The following PTBP2 variants were observed in gnomAD, a reference collection of about 807,000 sequenced individuals.
The protein encoded by PTBP2 is polypyrimidine tract binding protein 2.
A neutral mutation model predicts 61.4 loss-of-function variants in PTBP2; 13 were observed. The ratio of observed to expected loss-of-function variants is 0.21; its 90% CI spans 0.14 to 0.34. The LOEUF is 0.34. PTBP2 is among the 10% of genes least tolerant of loss of function. PTBP2 has a pLI of 1.00. For missense variants in PTBP2, 405 were observed against 642.6 expected, an observed-to-expected ratio of 0.63 and a Z score of 4.00; for synonymous variants, 215 against 218.5, an observed-to-expected ratio of 0.98 and a Z score of 0.14.
downstream of PTBP2, chr1:96,816,656 A>T (rs368505094): frequency 1.3e-3 from 195 of 152,282 alleles, 1 homozygote; most frequent in African/African-American, 4.6e-3. Context: ...TCCTAGAGTT[A>T]AGGTTAGTAT....
intron 8 of PTBP2, among the ~76,000 whole-genome samples, chr1:96,800,181 A>G: frequency 6.6e-6 from 1 of 152,092 alleles, no homozygotes; most frequent in South Asian, 2.1e-4. Flanking sequence ...GTGGTCCGGA[A>G]TGGTGGAAGT....
At chr1:96,806,035 TA>T (rs1232453585) in intron 9 of PTBP2, among the ~76,000 whole-genome samples, 2 of 152,200 alleles carry the variant, frequency 1.3e-5, no homozygotes. Context: ...TACTGACCTA[TA>T]TTTTATTTTG....
intron 11 of PTBP2, among the ~76,000 whole-genome samples, chr1:96,811,360 A>G (rs986679203): frequency 6.6e-6 from 1 of 152,092 alleles, no homozygotes; most frequent in Non-Finnish European, 1.5e-5. Context: ...TGGATGTTCT[A>G]TTCTTAATTT....
At chr1:96,776,644 T>C (rs1420211584) in intron 5 of PTBP2, among the ~76,000 whole-genome samples, 2 of 151,966 alleles carry the variant, frequency 1.3e-5, no homozygotes, top group African/African-American at 2.4e-5. Context: ...GTCATTGTTA[T>C]ATTTTAGAAC....
chr1:96,735,417 T>A (rs1380755120), intron 2 of PTBP2, among the ~76,000 whole-genome samples: 16 of 152,194 alleles, frequency 1.1e-4, no homozygotes. Flanking sequence ...ATTGAACAGG[T>A]TAACCTCTGA....
intron 5 of PTBP2, among the ~76,000 whole-genome samples, chr1:96,774,244 T>C (rs954652453): frequency 6.6e-6 from 1 of 152,182 alleles, no homozygotes; most frequent in Non-Finnish European, 1.5e-5. Context: ...CTTTTGTTAA[T>C]GAACTAGACT....
At chr1:96,784,148 C>G (rs1335862327) in intron 7 of PTBP2, among the ~76,000 whole-genome samples, 1 of 152,078 alleles carries the variant, frequency 6.6e-6, no homozygotes, top group African/African-American at 2.4e-5. Context: ...TTCACCTGTT[C>G]TCTAGTTTGT....
downstream of PTBP2, chr1:96,818,664 C>T (rs1366675324): frequency 2.0e-5 from 3 of 152,166 alleles, no homozygotes; most frequent in Middle Eastern, 3.4e-3. Context: ...GTTGGAGAAG[C>T]ACTCAATGCA....
intron 8 of PTBP2, among the ~76,000 whole-genome samples, chr1:96,790,174 G>C (rs939435278): frequency 6.6e-6 from 1 of 151,814 alleles, no homozygotes; most frequent in Non-Finnish European, 1.5e-5. Context: ...TAGTCTGGCT[G>C]TTTCTTTAGA....
chr1:96,740,693 G>A (rs1293211916), intron 2 of PTBP2, among the ~76,000 whole-genome samples: 1 of 151,760 alleles, frequency 6.6e-6, no homozygotes, highest in Non-Finnish European at 1.5e-5. Flanking sequence ...GCAATATATG[G>A]TTTTGTTTTG....
chr1:96,723,549 A>AT lies in PTBP2; in HGVS notation c.9-9dup, dbSNP rs764294578. The AT allele has an allele frequency of 1.0e-5, 16 of 1,567,776 alleles. No individual in the cohort carries two copies. The highest frequency in any genetic ancestry group is 1.2e-5 in the Non-Finnish European group (14 of 1,147,906). On this transcript the variant is annotated splice_polypyrimidine_tract_variant and intron_variant, in intron 1 of 13. Coordinates refer to ENST00000674951, the MANE Select transcript of PTBP2 (RefSeq NM_021190.4). ...GAATAACAGGAGGTTGAAACTACTT[A>AT]TTTTTTCTTTGCAGAATCGTCACTG...
At chr1:96,811,024 A>AT (rs1662029142) in intron 11 of PTBP2, among the ~76,000 whole-genome samples, 1 of 151,916 alleles carries the variant, frequency 6.6e-6, no homozygotes, top group African/African-American at 2.4e-5. Flanking sequence ...TAAAATATAT[A>AT]ACACTGGAGT....
At position 96,726,093 on chromosome 1, in the gene PTBP2, A is replaced by T. The variant is rs1017728286; in HGVS notation, c.39+2499A>T. Among the ~76,000 whole-genome samples, 55 of 149,622 alleles carry T rather than the reference A, an allele frequency of 3.7e-4. 1 individual carries two copies. The South Asian group carries it at 6.1e-3, about 17-fold the overall frequency. ...CTATCTCAAAAAAAAAAAAAAAAAA[A>T]AAAAAAAAAAAAAAAAAATTCAAAC... On this transcript the variant is annotated intron_variant, in intron 2 of 13. Coordinates refer to ENST00000674951, the MANE Select transcript of PTBP2 (RefSeq NM_021190.4).
At position 96,759,413 on chromosome 1, in the gene PTBP2, G is replaced by T. The variant is rs560334692; in HGVS notation, c.115+7913G>T. ...TTAGTGACACAGAATAGCGTTCAGG[G>T]AATAACTCATGCATTAAAGTTGCCT... On this transcript the variant is annotated intron_variant, in intron 3 of 13. Coordinates refer to ENST00000674951, the MANE Select transcript of PTBP2 (RefSeq NM_021190.4). Among the ~76,000 whole-genome samples the T allele has an allele frequency of 2.0e-5, 3 of 152,300 alleles. No homozygotes were observed. The South Asian group carries it at 6.2e-4, about 32-fold the overall frequency.
At chr1:96,772,807 G>A (rs943311230) in intron 5 of PTBP2, among the ~76,000 whole-genome samples, 1 of 151,918 alleles carries the variant, frequency 6.6e-6, no homozygotes, top group African/African-American at 2.4e-5. Context: ...TAAACGAAAG[G>A]AACATGTAAA....
intron 5 of PTBP2, among the ~76,000 whole-genome samples, chr1:96,773,405 C>G (rs1379152407): frequency 6.6e-6 from 1 of 152,042 alleles, no homozygotes; most frequent in East Asian, 1.9e-4. Context: ...TATGCCTTAA[C>G]AACAGTACTT....
intron 8 of PTBP2, among the ~76,000 whole-genome samples, chr1:96,787,237 G>A (rs993841597): frequency 1.3e-5 from 2 of 152,178 alleles, no homozygotes; most frequent in East Asian, 3.9e-4. Context: ...GGCCAGGCTG[G>A]TCTGGAACTC....
chr1:96,770,406 A>G (rs1463518788), intron 4 of PTBP2, among the ~76,000 whole-genome samples: 1 of 152,034 alleles, frequency 6.6e-6, no homozygotes, highest in Non-Finnish European at 1.5e-5. Flanking sequence ...TAGAAGTGGT[A>G]AAATTCTGAT....
chr1:96,736,503 C>A (rs1461276264), intron 2 of PTBP2, among the ~76,000 whole-genome samples: 1 of 151,940 alleles, frequency 6.6e-6, no homozygotes, highest in Non-Finnish European at 1.5e-5. Context: ...TTACTGAGCA[C>A]TTGACATGTA....
Sources: gnomAD v4.1 joint callset for allele counts (sites outside exome capture counted in the v4.1 genomes callset) on GRCh38, gnomAD v4.1.1 for gene constraint, MANE v1.5 for transcripts, NCBI Gene and HGNC (gene_info 2026-07-23, HGNC 2026-07-21) for gene names.